CCDC7: variants seen among roughly 807,000 people sequenced by gnomAD.
CCDC7 encodes the protein coiled-coil domain containing 7.
CCDC7 carries 183 observed loss-of-function variants against 196.9 expected under a neutral mutation model. The ratio of observed to expected loss-of-function variants is 0.93; its 90% CI spans 0.82 to 1.05. CCDC7 has a LOEUF of 1.05. Ranked by LOEUF, CCDC7 falls within the 50% of genes least tolerant of loss-of-function variation. CCDC7 has a pLI of 0.00. For missense variants in CCDC7, 1,540 were observed against 1,482.2 expected (o/e 1.04, Z -0.64); for synonymous variants, 525 against 484.6 (o/e 1.08, Z -1.10).
At chr10:32,730,609 A>G (rs1373789364) in intron 28 of CCDC7, among the ~76,000 whole-genome samples, 1 of 152,014 alleles carries the variant, frequency 6.6e-6, no homozygotes, top group African/African-American at 2.4e-5. Flanking sequence ...AATTAACAGA[A>G]CAGCTTTTAT....
intron 31 of CCDC7, among the ~76,000 whole-genome samples, chr10:32,817,171 C>T (rs956991881): frequency 5.3e-5 from 8 of 151,988 alleles, no homozygotes; most frequent in South Asian, 2.1e-4. Flanking sequence ...AACCATGGCA[C>T]GAGAAGTACG....
At chr10:32,824,823 T>C (rs1340216632) in intron 32 of CCDC7, among the ~76,000 whole-genome samples, 1 of 152,236 alleles carries the variant, frequency 6.6e-6, no homozygotes, top group African/African-American at 2.4e-5. Flanking sequence ...AGTCTAATGC[T>C]ATAGTGACCT....
At chr10:32,675,168 T>C (rs1223398066) in intron 21 of CCDC7, among the ~76,000 whole-genome samples, 1 of 152,114 alleles carries the variant, frequency 6.6e-6, no homozygotes, top group African/African-American at 2.4e-5. Context: ...AGCTGTGCCC[T>C]ATCTTCCTCT....
chr10:32,502,298 T>G (rs2044192571), intron 9 of CCDC7, among the ~76,000 whole-genome samples: 1 of 152,144 alleles, frequency 6.6e-6, no homozygotes, highest in Admixed American at 6.5e-5. Context: ...ATGGCTTCCC[T>G]TGGCTAGGGA....
At chr10:32,780,556 A>G (rs765547055) in intron 29 of CCDC7, among the ~76,000 whole-genome samples, 14 of 152,190 alleles carry the variant, frequency 9.2e-5, no homozygotes, top group Non-Finnish European at 1.8e-4. Context: ...AGTTGGTGTC[A>G]ATTCAAATTA....
At chr10:32,532,215 A>G (rs569007414) in intron 11 of CCDC7, among the ~76,000 whole-genome samples, 3 of 152,232 alleles carry the variant, frequency 2.0e-5, no homozygotes, top group South Asian at 2.1e-4. Context: ...CATATTCCAT[A>G]AACTTTGGTA....
intron 3 of CCDC7, 157 bp downstream of exon 4, chr10:32,456,491 C>A: frequency 3.6e-6 from 2 of 551,374 alleles, no homozygotes; most frequent in Non-Finnish European, 5.4e-6. Context: ...ATTTTTTATT[C>A]TTTTTTTTTA....
At chr10:32,671,537 C>T (rs1351806265) in intron 21 of CCDC7, among the ~76,000 whole-genome samples, 1 of 152,096 alleles carries the variant, frequency 6.6e-6, no homozygotes, top group Non-Finnish European at 1.5e-5. Context: ...GTCTGATCCT[C>T]CTAAAAAATG....
At chr10:32,682,384 T>C (rs2075970324) in intron 21 of CCDC7, among the ~76,000 whole-genome samples, 1 of 152,226 alleles carries the variant, frequency 6.6e-6, no homozygotes, top group Admixed American at 6.5e-5. Flanking sequence ...ACATTTTCTT[T>C]ATTCAGTCCA....
intron 28 of CCDC7, among the ~76,000 whole-genome samples, chr10:32,778,449 T>A (rs1343976328): frequency 6.6e-6 from 1 of 152,160 alleles, no homozygotes; most frequent in African/African-American, 2.4e-5. Flanking sequence ...GGAGTCCCTA[T>A]TGCTTATTTT....
At position 32,787,139 on chromosome 10, in the gene CCDC7, G is replaced by A. The variant is rs76642338; in HGVS notation, c.3013+8055G>A. Among the ~76,000 whole-genome samples the A allele has an allele frequency of 7.9e-3, 1,203 of 152,224 alleles. 7 individuals are homozygous for A. The highest frequency in any genetic ancestry group is 0.02 in the Middle Eastern group (6 of 294). ...AAAGAGAAAAGAGCAGAAGGAATTTGTGAAGAAATGATGGGTAAAAAATAT... is the reference window on the plus strand; with the variant it reads ...AAAGAGAAAAGAGCAGAAGGAATTTATGAAGAAATGATGGGTAAAAAATAT... On this transcript the variant is annotated intron_variant, in intron 29 of 41. Transcript: ENST00000639629.
At chr10:32,822,853 T>G (rs2090483029) in intron 31 of CCDC7, among the ~76,000 whole-genome samples, 1 of 152,122 alleles carries the variant, frequency 6.6e-6, no homozygotes, top group Non-Finnish European at 1.5e-5. Flanking sequence ...AACAGGATAA[T>G]AATGTAAGGG....
chr10:32,507,301 T>TGA (rs1418382045), intron 9 of CCDC7, among the ~76,000 whole-genome samples: 1 of 151,590 alleles, frequency 6.6e-6, no homozygotes, highest in Non-Finnish European at 1.5e-5. Context: ...TGTGTGTTCT[T>TGA]AAAGTTTTTG....
upstream of CCDC7, among the ~76,000 whole-genome samples, chr10:32,443,699 A>C (rs1263718989): frequency 6.6e-6 from 1 of 152,048 alleles, no homozygotes; most frequent in Admixed American, 6.6e-5. Context: ...TTTTACTATA[A>C]CTTTATAACT....
At chr10:32,712,194 G>T (rs1473681688) in intron 25 of CCDC7, among the ~76,000 whole-genome samples, 3 of 152,180 alleles carry the variant, frequency 2.0e-5, no homozygotes, top group Admixed American at 6.5e-5. Context: ...AAAGGTAGTG[G>T]TCTTTATGGT....
intron 24 of CCDC7, 47 bp downstream of exon 25, chr10:32,695,039 CATT>C: frequency 2.0e-6 from 2 of 993,426 alleles, no homozygotes; most frequent in Non-Finnish European, 2.9e-6. Context: ...AAGTTAATCT[CATT>C]AGATCATTTT....
intron 2 of CCDC7, among the ~76,000 whole-genome samples, chr10:32,454,008 A>C (rs1423460479): frequency 6.6e-6 from 1 of 152,236 alleles, no homozygotes; most frequent in Non-Finnish European, 1.5e-5. Context: ...CATACAATGA[A>C]ATACTCTTCA....
chr10:32,452,248 C>T (rs749277149), intron 1 of CCDC7, among the ~76,000 whole-genome samples: 12 of 152,238 alleles, frequency 7.9e-5, no homozygotes, highest in Non-Finnish European at 1.5e-4. Flanking sequence ...TTAGCATGTA[C>T]GAAAATTTCA....
At chr10:32,657,383 T>A (rs1396363209) in intron 20 of CCDC7, among the ~76,000 whole-genome samples, 1 of 152,224 alleles carries the variant, frequency 6.6e-6, no homozygotes, top group Non-Finnish European at 1.5e-5. Flanking sequence ...TCCAGACATT[T>A]CCGTACATCC....
Sources: allele counts gnomAD v4.1 joint callset (sites outside exome capture counted in the v4.1 genomes callset), GRCh38; gene constraint gnomAD v4.1.1; transcripts MANE v1.5; gene names NCBI Gene and HGNC (gene_info 2026-07-23, HGNC 2026-07-21).